Variants in RTN4 observed in about 807,000 individuals in gnomAD.
The protein encoded by RTN4 is reticulon-4.
A neutral mutation model predicts 90.4 loss-of-function variants in RTN4; 32 were observed. The observed-to-expected ratio is 0.35, with a 90% CI of 0.27 to 0.48. RTN4 has a LOEUF of 0.48. RTN4 is among the 20% of genes least tolerant of loss of function. The probability of loss-of-function intolerance (pLI) is 0.99; values close to 1 mark genes in which losing one functional copy is unlikely to be tolerated. For synonymous variants in RTN4, 629 were observed against 552.5 expected (o/e 1.14, Z -1.94); for missense variants, 1,706 against 1,430.2 (o/e 1.19, Z -3.11).
chr2:54,993,294 G>C (rs951117753), intron 3 of RTN4, among the ~76,000 whole-genome samples: 1 of 151,882 alleles, frequency 6.6e-6, no homozygotes, highest in Admixed American at 6.6e-5. Flanking sequence ...GTTTCTATTC[G>C]GTACTACTGA....
chr2:55,133,415 A>G, the RTN4 span, among the ~76,000 whole-genome samples: 1 of 152,278 alleles, frequency 6.6e-6, no homozygotes, highest in South Asian at 2.1e-4. Flanking sequence ...CAAAAGCAAT[A>G]AATACTTGTA....
intron 2 of RTN4, among the ~76,000 whole-genome samples, chr2:55,079,561 T>G (rs1668666807): frequency 6.6e-6 from 1 of 152,204 alleles, no homozygotes; most frequent in Non-Finnish European, 1.5e-5. Context: ...TCTTCTGATC[T>G]TTCAATAAAA....
chr2:55,015,873 AAGT>A (rs1680995961), intron 3 of RTN4, among the ~76,000 whole-genome samples: 1 of 152,212 alleles, frequency 6.6e-6, no homozygotes, highest in African/African-American at 2.4e-5. Flanking sequence ...TTGTTGGTGA[AAGT>A]AGAGAAATGG....
At chr2:55,106,681 G>A (rs915900036) in intron 1 of RTN4, among the ~76,000 whole-genome samples, 4 of 151,634 alleles carry the variant, frequency 2.6e-5, no homozygotes, top group African/African-American at 7.3e-5. Flanking sequence ...CACCATGCCC[G>A]GCTAATTTTT....
chr2:55,022,403 T>C (rs562304472), intron 3 of RTN4, among the ~76,000 whole-genome samples: 2 of 152,294 alleles, frequency 1.3e-5, no homozygotes, highest in South Asian at 4.1e-4. Context: ...TTCCTGCCTT[T>C]ACCTCGCCTT....
intron 2 of RTN4, among the ~76,000 whole-genome samples, chr2:55,068,278 G>A (rs1414898979): frequency 2.0e-5 from 3 of 152,030 alleles, no homozygotes; most frequent in Admixed American, 2.0e-4. Context: ...GGTCTGTCTT[G>A]CACTCTGAAT....
rs745362288 is a variant in RTN4 at position 54,987,568 on chromosome 2, G to A, written c.3144C>T (p.Leu1048=). 6 of 1,614,162 alleles carry A rather than the reference G, an allele frequency of 3.7e-6. 1 individual carries two copies. The South Asian group carries it at 6.6e-5, about 18-fold the overall frequency. ...ATATCCTAAAGCTGATGGTCACAGAGAGCAGGGCCAAGGCAATGTAGGCTG... is the reference window on the plus strand; with the variant it reads ...ATATCCTAAAGCTGATGGTCACAGAAAGCAGGGCCAAGGCAATGTAGGCTG... ...SVTAYIALAL[L]SVTISFRIYK... is the part of the protein sequence containing the mutation. The change falls in exon 4 of 9, where the codon CTC becomes CTT. Residue 1048 remains leucine (L), a synonymous_variant. Transcript: ENST00000337526.
At chr2:55,009,819 T>A (rs1680500517) in intron 3 of RTN4, among the ~76,000 whole-genome samples, 1 of 152,200 alleles carries the variant, frequency 6.6e-6, no homozygotes, top group Non-Finnish European at 1.5e-5. Context: ...TAGATCTATA[T>A]TGTTTACAAT....
intron 3 of RTN4, among the ~76,000 whole-genome samples, chr2:55,015,774 G>GT (rs950484164): frequency 2.0e-4 from 30 of 152,322 alleles, no homozygotes; most frequent in African/African-American, 7.2e-4. Flanking sequence ...CTGGACAACA[G>GT]AGAGAGAGGA....
chr2:55,077,754 T>TACACACAC (rs1329165694), intron 2 of RTN4, among the ~76,000 whole-genome samples: 2 of 55,130 alleles, frequency 3.6e-5, no homozygotes, highest in African/African-American at 7.4e-5. Flanking sequence ...GAAAATGTTT[T>TACACACAC]ATACACACAC....
the RTN4 span, among the ~76,000 whole-genome samples, chr2:55,128,674 G>A: frequency 3.3e-5 from 5 of 151,670 alleles, no homozygotes; most frequent in East Asian, 9.6e-4. Flanking sequence ...TCACAATTCA[G>A]AACAATGAAA....
chr2:54,980,438 C>A (rs939685281), intron 5 of RTN4, among the ~76,000 whole-genome samples: 4 of 152,156 alleles, frequency 2.6e-5, no homozygotes, highest in Non-Finnish European at 5.9e-5. Context: ...ACTTTATACT[C>A]AAACTCAGAA....
At chr2:55,107,629 T>C (rs966531647) in intron 1 of RTN4, among the ~76,000 whole-genome samples, 5 of 152,028 alleles carry the variant, frequency 3.3e-5, no homozygotes, top group Admixed American at 6.6e-5. Context: ...GTTCAGGCAC[T>C]TCAGGCTAAG....
chr2:55,100,727 T>C (rs1386895499), intron 1 of RTN4, among the ~76,000 whole-genome samples: 1 of 152,194 alleles, frequency 6.6e-6, no homozygotes, highest in Admixed American at 6.5e-5. Context: ...TGACATATAA[T>C]TGTGCTATCA....
At chr2:55,035,868 A>G (rs1316278264) in intron 1 of RTN4, among the ~76,000 whole-genome samples, 1 of 152,162 alleles carries the variant, frequency 6.6e-6, no homozygotes, top group African/African-American at 2.4e-5. Context: ...ATCAAAATGA[A>G]AGACAAGTTT....
At chr2:55,082,818 A>AT (rs1231270046) in intron 1 of RTN4, among the ~76,000 whole-genome samples, 1 of 152,208 alleles carries the variant, frequency 6.6e-6, no homozygotes, top group African/African-American at 2.4e-5. Flanking sequence ...CCTATAAAAT[A>AT]TAAGTAGTAT....
intron 1 of RTN4, among the ~76,000 whole-genome samples, chr2:55,087,438 G>C (rs1254158893): frequency 6.6e-6 from 1 of 152,052 alleles, no homozygotes. Context: ...GTATAACATT[G>C]GTTTGCATGT....
chr2:55,044,089 G>A (rs1209551172), intron 1 of RTN4, among the ~76,000 whole-genome samples: 2 of 151,994 alleles, frequency 1.3e-5, no homozygotes, highest in East Asian at 3.9e-4. Flanking sequence ...CCAGCTAGTT[G>A]GGAGGCTGAG....
intron 4 of RTN4, 146 bp downstream of exon 4, chr2:54,987,345 T>A (rs1297588186): frequency 1.5e-6 from 1 of 651,020 alleles, no homozygotes; most frequent in Admixed American, 2.7e-5. Context: ...CAAAAGCAGA[T>A]GTTTTTGGTA....
Sources: gnomAD v4.1 joint callset for allele counts (sites outside exome capture counted in the v4.1 genomes callset) on GRCh38, gnomAD v4.1.1 for gene constraint, MANE v1.5 for transcripts, NCBI Gene and HGNC (gene_info 2026-07-23, HGNC 2026-07-21) for gene names.